The following OPCML variants were observed in gnomAD, a reference collection of about 807,000 sequenced individuals.
OPCML encodes the protein opioid binding protein/cell adhesion molecule like.
Under a neutral mutation model 37.8 loss-of-function variants are expected in OPCML, and 13 were observed. That is an observed-to-expected ratio of 0.34 (90% CI 0.22 to 0.55). The LOEUF is 0.55. OPCML is among the 20% of genes least tolerant of loss of function. The pLI is 0.91. For synonymous variants in OPCML, 176 were observed against 168.8 expected (o/e 1.04, Z -0.33); for missense variants, 341 against 435.6 (o/e 0.78, Z 1.93).
chr11:132,959,125 G>A (rs1946030412), intron 1 of OPCML, among the ~76,000 whole-genome samples: 1 of 152,220 alleles, frequency 6.6e-6, no homozygotes, highest in African/African-American at 2.4e-5. Flanking sequence ...ATGGAAGGAG[G>A]TCAAAGTATC....
At chr11:132,909,193 T>C (rs1298955749) in intron 2 of OPCML, among the ~76,000 whole-genome samples, 1 of 152,086 alleles carries the variant, frequency 6.6e-6, no homozygotes, top group Non-Finnish European at 1.5e-5. Context: ...GAGTGGGACA[T>C]TTTTCCACTT....
chr11:133,014,402 G>T lies in OPCML; in HGVS notation c.62-71392C>A, dbSNP rs114056153. On this transcript the variant is annotated intron_variant, in intron 1 of 7. Coordinates refer to ENST00000524381, the MANE Select transcript of OPCML (RefSeq NM_001012393.5). ...ATGGGGATTGAAGAAAAAAATTATTGTTCTCCCCTACGGTTGCAAGATATT... is the reference window on the plus strand; with the variant it reads ...ATGGGGATTGAAGAAAAAAATTATTTTTCTCCCCTACGGTTGCAAGATATT... Among the ~76,000 whole-genome samples, 203 of 151,834 alleles carry T rather than the reference G, an allele frequency of 1.3e-3. 1 individual carries two copies. The highest frequency in any genetic ancestry group is 4.8e-3 in the African/African-American group (198 of 41,384).
intron 2 of OPCML, among the ~76,000 whole-genome samples, chr11:132,879,326 T>C (rs1162678260): frequency 6.6e-6 from 1 of 151,964 alleles, no homozygotes; most frequent in Non-Finnish European, 1.5e-5. Flanking sequence ...CACCAAGAAA[T>C]AGGGTGAACA....
At chr11:133,008,982 C>T (rs1947164346) in intron 1 of OPCML, 1 of 985,282 alleles carries the variant, frequency 1.0e-6, no homozygotes, top group Non-Finnish European at 1.2e-6. Flanking sequence ...TTAGCATGGA[C>T]ATGGACTGAC....
intron 1 of OPCML, among the ~76,000 whole-genome samples, chr11:133,349,399 A>G (rs1002694764): frequency 1.3e-5 from 2 of 152,126 alleles, no homozygotes; most frequent in Non-Finnish European, 2.9e-5. Context: ...TTAATTCCTC[A>G]GGTATTGTGG....
intron 2 of OPCML, among the ~76,000 whole-genome samples, chr11:132,753,517 T>C (rs181173228): frequency 6.0e-4 from 91 of 152,358 alleles, no homozygotes; most frequent in Non-Finnish European, 9.4e-4. Context: ...CATACATATC[T>C]GGATCTAAAT....
chr11:133,528,192 A>G (rs1411601962), intron 1 of OPCML, among the ~76,000 whole-genome samples: 1 of 152,368 alleles, frequency 6.6e-6, no homozygotes, highest in African/African-American at 2.4e-5. Flanking sequence ...GGCTACTGAA[A>G]AAGCCATCTT....
intron 2 of OPCML, among the ~76,000 whole-genome samples, chr11:132,767,221 C>T (rs759017792): frequency 1.3e-5 from 2 of 152,124 alleles, no homozygotes; most frequent in African/African-American, 2.4e-5. Context: ...AGACTATTTA[C>T]AGTTACAAGA....
chr11:132,602,909 T>C (rs1228199370), intron 3 of OPCML, among the ~76,000 whole-genome samples: 4 of 152,234 alleles, frequency 2.6e-5, no homozygotes, highest in Non-Finnish European at 4.4e-5. Flanking sequence ...TCACGGACAG[T>C]AGTGAGTTGC....
intron 1 of OPCML, among the ~76,000 whole-genome samples, chr11:133,272,543 T>C (rs750448650): frequency 3.1e-4 from 47 of 152,162 alleles, no homozygotes; most frequent in Non-Finnish European, 6.0e-4. Flanking sequence ...CTGTGTCCCT[T>C]CTGGCCACGT....
chr11:132,992,689 GC>G (rs1229812145), intron 1 of OPCML, among the ~76,000 whole-genome samples: 1 of 152,146 alleles, frequency 6.6e-6, no homozygotes, highest in Non-Finnish European at 1.5e-5. Flanking sequence ...AGCAAGGGGT[GC>G]TAGAGGAAAC....
intron 1 of OPCML, among the ~76,000 whole-genome samples, chr11:133,529,442 T>C (rs1333336293): frequency 2.0e-5 from 3 of 152,226 alleles, no homozygotes; most frequent in East Asian, 1.9e-4. Context: ...GCCTCTAGCA[T>C]GACAAGTCAG....
At position 133,497,164 on chromosome 11, in the gene OPCML, G is replaced by A. The variant is rs150572245; in HGVS notation, c.61+35100C>T. Among the ~76,000 whole-genome samples the A allele has an allele frequency of 2.1e-3, 319 of 152,152 alleles. 1 individual carries two copies. The highest frequency in any genetic ancestry group is 6.8e-3 in the Middle Eastern group (2 of 294). ...TCACCAATTATTCTTATGTTTGGTC[G>A]TTTAACATAATCCCAAACTTCTTGG... is the stretch of plus-strand genomic sequence containing the variant. On this transcript the variant is annotated intron_variant, in intron 1 of 7. Transcript: ENST00000524381.
chr11:132,879,849 CA>C (rs1241365136), intron 2 of OPCML, among the ~76,000 whole-genome samples: 1 of 152,156 alleles, frequency 6.6e-6, no homozygotes, highest in Non-Finnish European at 1.5e-5. Context: ...AAAAAAAATA[CA>C]AACAAAAACA....
intron 1 of OPCML, among the ~76,000 whole-genome samples, chr11:133,125,557 T>C (rs1949487313): frequency 6.7e-6 from 1 of 148,864 alleles, no homozygotes; most frequent in Admixed American, 6.8e-5. Context: ...TAATAGGATA[T>C]ATATATATAT....
chr11:133,390,230 C>T (rs1220615394), intron 1 of OPCML, among the ~76,000 whole-genome samples: 3 of 152,094 alleles, frequency 2.0e-5, no homozygotes, highest in African/African-American at 7.2e-5. Flanking sequence ...GAGGCCGAGG[C>T]GGACGGATCA....
At chr11:132,426,832 T>C (rs953350801) in intron 7 of OPCML, among the ~76,000 whole-genome samples, 32 of 152,352 alleles carry the variant, frequency 2.1e-4, no homozygotes, top group African/African-American at 7.2e-4. Context: ...CTGGCCATCC[T>C]GGCACTAAGC....
chr11:133,077,533 G>C lies in OPCML; in HGVS notation c.62-134523C>G, dbSNP rs114008542. On this transcript the variant is annotated intron_variant, in intron 1 of 7. Transcript: ENST00000524381. Reference sequence around the variant, plus strand: ...GCTTGTCTTTGTGAACTAGAACTCGGTAAGAATTTTTTTAATTACTATAAA... The same window carrying C: ...GCTTGTCTTTGTGAACTAGAACTCGCTAAGAATTTTTTTAATTACTATAAA... 6.5e-3 allele frequency among the ~76,000 whole-genome samples: 983 copies of C among 152,212 alleles called. 7 individuals are homozygous for C. Among genetic ancestry groups the C allele is most frequent in the African/African-American group, 0.023 (936 of 41,526 alleles).
At chr11:132,962,818 G>T (rs372711464) in intron 1 of OPCML, among the ~76,000 whole-genome samples, 2 of 152,104 alleles carry the variant, frequency 1.3e-5, no homozygotes, top group African/African-American at 4.8e-5. Context: ...GCTGTTTTTC[G>T]TACAATATTT....
Sources: gnomAD v4.1 joint callset for allele counts (sites outside exome capture counted in the v4.1 genomes callset) on GRCh38, gnomAD v4.1.1 for gene constraint, MANE v1.5 for transcripts, NCBI Gene and HGNC (gene_info 2026-07-23, HGNC 2026-07-21) for gene names.